MARCHF6: variants seen among roughly 807,000 people sequenced by gnomAD.
MARCHF6 encodes the protein E3 ubiquitin-protein ligase MARCHF6.
Under a neutral mutation model 133.7 loss-of-function variants are expected in MARCHF6, and 31 were observed. The observed-to-expected ratio is 0.23, with a 90% CI of 0.17 to 0.31. The LOEUF (loss-of-function observed/expected upper bound fraction) is 0.31. MARCHF6 is among the 10% of genes least tolerant of loss of function. The pLI is 1.00. For synonymous variants in MARCHF6, 395 were observed against 402.5 expected (o/e 0.98, Z 0.22); for missense variants, 723 against 1,121.6 (o/e 0.64, Z 5.08).
At chr5:10,387,351 G>A (rs1308619480) in intron 5 of MARCHF6, among the ~76,000 whole-genome samples, 1 of 150,452 alleles carries the variant, frequency 6.6e-6, no homozygotes, top group African/African-American at 2.4e-5. Flanking sequence ...TGTCCAGGCT[G>A]GAGTATAATG....
chr5:10,433,088 C>T (rs1740448032), intron 25 of MARCHF6, among the ~76,000 whole-genome samples: 2 of 152,086 alleles, frequency 1.3e-5, no homozygotes, highest in South Asian at 4.1e-4. Flanking sequence ...TGGGGTTTCA[C>T]CATGTTGGCC....
intron 11 of MARCHF6, chr5:10,401,831 CT>C: frequency 1.9e-6 from 1 of 535,886 alleles, no homozygotes; most frequent in Non-Finnish European, 3.3e-6. Flanking sequence ...ATTTTGTCTC[CT>C]TGGGTAAAGT....
chr5:10,392,743 G>A (rs1316178742), intron 7 of MARCHF6, among the ~76,000 whole-genome samples: 1 of 150,092 alleles, frequency 6.7e-6, no homozygotes, highest in African/African-American at 2.5e-5. Flanking sequence ...GACACAGCAA[G>A]ATTCCGTCTC....
At chr5:10,378,287 C>T (rs1736910054) in intron 2 of MARCHF6, among the ~76,000 whole-genome samples, 2 of 152,180 alleles carry the variant, frequency 1.3e-5, no homozygotes, top group South Asian at 2.1e-4. Flanking sequence ...CATCTCAACT[C>T]ATTTTTAATC....
chr5:10,434,250 G>A lies in MARCHF6; in HGVS notation c.*566G>A, dbSNP rs1356206542. 1 of 153,260 alleles carries A rather than the reference G, an allele frequency of 6.5e-6. No individual in the cohort carries two copies. Among genetic ancestry groups the A allele is most frequent in the Non-Finnish European group, 1.5e-5 (1 of 68,562 alleles). 9.5% of individuals were successfully genotyped at this position (153,260 alleles called of 1,614,324 possible). On this transcript the variant is annotated 3_prime_UTR_variant, in exon 26 of 26. Transcript: ENST00000274140. ...TTATGCTTCACTGTTAGTTGTTTGTGGAAGTTATTTTGTATAACACCAAAG... is the reference window on the plus strand; with the variant it reads ...TTATGCTTCACTGTTAGTTGTTTGTAGAAGTTATTTTGTATAACACCAAAG...
At chr5:10,382,236 C>G (rs1737191034) in intron 4 of MARCHF6, among the ~76,000 whole-genome samples, 1 of 152,108 alleles carries the variant, frequency 6.6e-6, no homozygotes, top group Non-Finnish European at 1.5e-5. Context: ...ATGAAGTATG[C>G]TAGAGCTTTC....
In MARCHF6 at chr5:10,372,472, G is replaced by T. The variant is rs1736529405; in HGVS notation, c.20-5326G>T. Among the ~76,000 whole-genome samples the T allele has an allele frequency of 2.0e-5, 3 of 152,052 alleles. No homozygotes were observed. The South Asian group carries it at 6.2e-4, about 31-fold the overall frequency. ...AAATAGATGCTAGGGAGATTTTAAA[G>T]AGTTATTAATACTGCTTGGAAATAA... On this transcript the variant is annotated intron_variant, in intron 1 of 25. Coordinates refer to ENST00000274140, the MANE Select transcript of MARCHF6 (RefSeq NM_005885.4).
chr5:10,361,608 T>C (rs929635795), intron 1 of MARCHF6, among the ~76,000 whole-genome samples: 1 of 152,162 alleles, frequency 6.6e-6, no homozygotes, highest in African/African-American at 2.4e-5. Flanking sequence ...TCTCCAAATA[T>C]AGTTACATTG....
At chr5:10,412,659 A>T (rs891948124) in intron 19 of MARCHF6, among the ~76,000 whole-genome samples, 1 of 151,976 alleles carries the variant, frequency 6.6e-6, no homozygotes, top group Admixed American at 6.6e-5. Flanking sequence ...TGTAGCCTTA[A>T]CCTCCTGGGT....
At chr5:10,420,235 C>T (rs755760851) in intron 22 of MARCHF6, among the ~76,000 whole-genome samples, 6 of 152,326 alleles carry the variant, frequency 3.9e-5, no homozygotes, top group Admixed American at 2.0e-4. Context: ...CCTACAACAT[C>T]ACTTTTCAGT....
At chr5:10,374,941 G>T (rs1472069916) in intron 1 of MARCHF6, among the ~76,000 whole-genome samples, 1 of 152,214 alleles carries the variant, frequency 6.6e-6, no homozygotes, top group Admixed American at 6.5e-5. Flanking sequence ...TTCTGTGGGT[G>T]GGGGTGCATG....
chr5:10,382,520 A>G (rs1214762762), intron 4 of MARCHF6, among the ~76,000 whole-genome samples: 1 of 147,798 alleles, frequency 6.8e-6, no homozygotes, highest in Non-Finnish European at 1.5e-5. Context: ...GGATTCTGCA[A>G]CCCTCCTTTA....
chr5:10,440,353 G>T lies in MARCHF6; in HGVS notation c.*6669G>T, dbSNP rs543033942. 23 of 152,256 alleles carry T rather than the reference G, an allele frequency of 1.5e-4. 1 individual carries two copies. Among genetic ancestry groups the T allele is most frequent in the South Asian group, 1.2e-3 (6 of 4,824 alleles). The allele number at this position is 152,256 out of a possible 1,614,324, so 9.4% of individuals were successfully genotyped here. A position where few individuals can be genotyped will look rare whatever the true frequency, so the allele number is the denominator to read the frequency against. ...GTGTGCTTCCAGACATACCTTCACA[G>T]AATCATTTATCACAATAAAGGTGTC... On this transcript the variant is annotated 3_prime_UTR_variant, in exon 26 of 26. Coordinates refer to ENST00000274140, the MANE Select transcript of MARCHF6 (RefSeq NM_005885.4).
intron 1 of MARCHF6, among the ~76,000 whole-genome samples, chr5:10,369,825 C>T (rs1053554526): frequency 2.6e-5 from 4 of 151,934 alleles, no homozygotes; most frequent in Non-Finnish European, 5.9e-5. Context: ...ATCACTAGTT[C>T]ATTTCTTTTT....
At chr5:10,431,304 T>C (rs186260524) in intron 25 of MARCHF6, among the ~76,000 whole-genome samples, 20 of 152,302 alleles carry the variant, frequency 1.3e-4, no homozygotes, top group Admixed American at 3.3e-4. Flanking sequence ...GAGTAAATAC[T>C]GCAAACAGAA....
intron 4 of MARCHF6, among the ~76,000 whole-genome samples, chr5:10,384,740 A>G (rs1366227699): frequency 6.6e-6 from 1 of 152,250 alleles, no homozygotes; most frequent in Non-Finnish European, 1.5e-5. Context: ...ACACGTATAC[A>G]GTGATCAAGG....
chr5:10,360,428 C>T (rs1041332674), intron 1 of MARCHF6, among the ~76,000 whole-genome samples: 5 of 152,076 alleles, frequency 3.3e-5, no homozygotes, highest in South Asian at 4.1e-4. Flanking sequence ...CGTGAGCCAC[C>T]GCGCCCGGCT....
At chr5:10,390,568 C>A in intron 6 of MARCHF6, 68 bp downstream of exon 6, 1 of 1,410,966 alleles carries the variant, frequency 7.1e-7, no homozygotes, top group Non-Finnish European at 9.7e-7. Flanking sequence ...CTCTCTGAGA[C>A]TCAAACTCTT....
chr5:10,408,804 G>A (rs1036902070), intron 17 of MARCHF6, among the ~76,000 whole-genome samples: 2 of 152,158 alleles, frequency 1.3e-5, no homozygotes, highest in African/African-American at 4.8e-5. Context: ...CTCCCAAAAT[G>A]TTAGGATTAC....
Sources: allele counts gnomAD v4.1 joint callset (sites outside exome capture counted in the v4.1 genomes callset), GRCh38; gene constraint gnomAD v4.1.1; transcripts MANE v1.5; gene names NCBI Gene and HGNC (gene_info 2026-07-23, HGNC 2026-07-21).